Variants in CYTH3 observed in about 807,000 individuals in gnomAD.
CYTH3 encodes cytohesin 3.
CYTH3 carries 23 observed loss-of-function variants against 55.1 expected under a neutral mutation model. The observed-to-expected ratio is 0.42, with a 90% confidence interval of 0.30 to 0.59. The LOEUF (loss-of-function observed/expected upper bound fraction) is 0.59. CYTH3 is among the 20% of genes least tolerant of loss of function. The pLI is 0.20. For missense variants in CYTH3, 413 were observed against 524.8 expected (o/e 0.79, Z 2.08); for synonymous variants, 249 against 194.9 (o/e 1.28, Z -2.31).
intron 9 of CYTH3, among the ~76,000 whole-genome samples, chr7:6,168,202 T>C (rs892775916): frequency 1.3e-5 from 2 of 151,338 alleles, no homozygotes; most frequent in Admixed American, 6.6e-5. Flanking sequence ...GCAGCTCGGA[T>C]TGGGCCACCT....
At chr7:6,185,401 C>T (rs929063895) in intron 4 of CYTH3, among the ~76,000 whole-genome samples, 21 of 151,044 alleles carry the variant, frequency 1.4e-4, no homozygotes, top group Admixed American at 2.0e-4. Context: ...GCCTGGCCAA[C>T]GTGGTGAAAC....
At chr7:6,270,066 A>G (rs982706819) in intron 1 of CYTH3, among the ~76,000 whole-genome samples, 1 of 152,240 alleles carries the variant, frequency 6.6e-6, no homozygotes, top group African/African-American at 2.4e-5. Flanking sequence ...TCTTTAAAAG[A>G]GCTCAACTTT....
At chr7:6,233,934 A>G (rs1779453468) in intron 1 of CYTH3, among the ~76,000 whole-genome samples, 1 of 151,982 alleles carries the variant, frequency 6.6e-6, no homozygotes, top group African/African-American at 2.4e-5. Context: ...CTGTGTCCTC[A>G]CTTGGTGGAA....
chr7:6,266,438 T>G (rs1274143354), intron 1 of CYTH3, among the ~76,000 whole-genome samples: 3 of 152,234 alleles, frequency 2.0e-5, no homozygotes, highest in African/African-American at 7.2e-5. Context: ...CTAAAATTAT[T>G]GAAATGTAAA....
chr7:6,219,299 G>A (rs746833800), intron 1 of CYTH3, among the ~76,000 whole-genome samples: 11 of 152,220 alleles, frequency 7.2e-5, no homozygotes, highest in Non-Finnish European at 1.3e-4. Flanking sequence ...CAAGCAGAGT[G>A]TTAAAGGTGC....
rs1783176053 is a variant in CYTH3 at position 6,171,087 on chromosome 7, G to A, written c.563-109C>T. 1.3e-6 allele frequency: 2 copies of A among 1,583,578 alleles called. No individual in the cohort carries two copies. The highest frequency in any genetic ancestry group is 1.7e-6 in the Non-Finnish European group (2 of 1,157,308). ...GGTGCCCGGCCCACAGGTCGTCCTC[G>A]CTCAGGGAAGGCAGGTCCCCAGGAA... On this transcript the variant is annotated intron_variant, in intron 7 of 12. Transcript: ENST00000350796. The surrounding 1 kb of genome is among the most constrained non-coding windows in gnomAD (Gnocchi z 6.7).
At position 6,164,846 on chromosome 7, in the gene CYTH3, G is replaced by A. The variant is rs998655791; in HGVS notation, c.*98C>T. On this transcript the variant is annotated 3_prime_UTR_variant, in exon 13 of 13. Coordinates refer to ENST00000350796, the MANE Select transcript of CYTH3 (RefSeq NM_004227.4). ...CTCTGGAGCAGCAGCTTGCACCGCA[G>A]GGCGACTGCCTCCCTGCCACGCCTT... is the stretch of plus-strand genomic sequence containing the variant. 9 of 1,349,594 alleles carry A rather than the reference G, an allele frequency of 6.7e-6. No homozygotes were observed. In the African/African-American group the frequency reaches 1.3e-4, roughly 19 times the overall value. 83.6% of individuals were successfully genotyped at this position (1,349,594 alleles called of 1,614,324 possible). A position where few individuals can be genotyped will look rare whatever the true frequency, so the allele number is the denominator to read the frequency against.
intron 1 of CYTH3, among the ~76,000 whole-genome samples, chr7:6,239,182 C>A (rs1779608507): frequency 1.3e-5 from 2 of 152,168 alleles, no homozygotes; most frequent in African/African-American, 2.4e-5. Flanking sequence ...CCACTTTACT[C>A]CAGCCTGGGC....
intron 1 of CYTH3, among the ~76,000 whole-genome samples, chr7:6,235,357 A>T (rs549811233): frequency 6.6e-6 from 1 of 152,062 alleles, no homozygotes; most frequent in East Asian, 1.9e-4. Context: ...CATGCCTGTA[A>T]TCCTAGCTAC....
At chr7:6,183,846 G>C (rs1486908830) in intron 4 of CYTH3, among the ~76,000 whole-genome samples, 1 of 151,846 alleles carries the variant, frequency 6.6e-6, no homozygotes, top group African/African-American at 2.4e-5. Flanking sequence ...CATGGGATTT[G>C]TGCCCTTATA....
intron 1 of CYTH3, among the ~76,000 whole-genome samples, chr7:6,198,303 G>A (rs1408466184): frequency 6.6e-6 from 1 of 152,210 alleles, no homozygotes; most frequent in Non-Finnish European, 1.5e-5. Flanking sequence ...GTACCTTGCT[G>A]TCCTATTGTG....
intron 1 of CYTH3, among the ~76,000 whole-genome samples, chr7:6,261,862 A>C (rs962185335): frequency 2.0e-5 from 3 of 152,212 alleles, no homozygotes; most frequent in Non-Finnish European, 4.4e-5. Flanking sequence ...AATCAAGATC[A>C]CATGACTGAA....
intron 1 of CYTH3, among the ~76,000 whole-genome samples, chr7:6,239,652 G>GT (rs1470172702): frequency 6.6e-6 from 1 of 152,194 alleles, no homozygotes; most frequent in Non-Finnish European, 1.5e-5. Flanking sequence ...TCTAAAAACA[G>GT]TAAGATAATT....
chr7:6,200,896 C>T (rs1784044833), intron 1 of CYTH3, among the ~76,000 whole-genome samples: 1 of 152,216 alleles, frequency 6.6e-6, no homozygotes, highest in Non-Finnish European at 1.5e-5. Context: ...GCTGGGACCA[C>T]AGGCACGTAC....
chr7:6,181,792 C>A (rs1228586965), intron 4 of CYTH3, among the ~76,000 whole-genome samples: 3 of 152,086 alleles, frequency 2.0e-5, no homozygotes, highest in Non-Finnish European at 4.4e-5. Flanking sequence ...TAGGTCTCTG[C>A]AAAACTGAAT....
At chr7:6,186,179 G>C (rs1484933253) in intron 4 of CYTH3, among the ~76,000 whole-genome samples, 1 of 149,736 alleles carries the variant, frequency 6.7e-6, no homozygotes, top group Admixed American at 6.7e-5. Context: ...GGGAGGCGGA[G>C]CTTGCAGTGA....
At chr7:6,255,051 C>T (rs969789853) in intron 1 of CYTH3, among the ~76,000 whole-genome samples, 1 of 152,230 alleles carries the variant, frequency 6.6e-6, no homozygotes. Flanking sequence ...GCTTAACACA[C>T]TGATGACTAA....
In CYTH3 at chr7:6,170,646, T is replaced by C; in HGVS notation, c.712A>G (p.Asn238Asp). 6.2e-7 allele frequency: 1 copy of C among 1,613,260 alleles called. No individual in the cohort carries two copies. Among genetic ancestry groups the C allele is most frequent in the Non-Finnish European group, 8.5e-7 (1 of 1,179,578 alleles). The part of the protein sequence containing the change: ...GGDLPEELLR[N>D]LYESIKNEPF... ...TCGTTCTTAATGCTCTCATACAAAT[T>C]CTGCAAGGAGGGAAAACAGCAGCCA... Residue 238 changes from asparagine to aspartate, a missense_variant and splice_region_variant, in exon 9 of 13, where the codon AAT (asparagine) becomes GAT (aspartate). Asn to Asp is a conservative substitution (Grantham distance 23, BLOSUM62 1). This residue lies in a region of CYTH3 where 156 missense variants were observed against 233.1 expected (regional missense o/e 0.67). Coordinates refer to ENST00000350796, the MANE Select transcript of CYTH3 (RefSeq NM_004227.4). This position sits in a 1 kb window ranked among gnomAD's most constrained non-coding sequence, Gnocchi z 7.8.
chr7:6,185,322 T>C (rs192197518), intron 4 of CYTH3, among the ~76,000 whole-genome samples: 4 of 151,278 alleles, frequency 2.6e-5, no homozygotes, highest in Non-Finnish European at 4.4e-5. Context: ...CAGTGGCTCA[T>C]GCCTGTAATC....
Sources: allele counts gnomAD v4.1 joint callset (sites outside exome capture counted in the v4.1 genomes callset), GRCh38; gene constraint gnomAD v4.1.1; regional missense constraint gnomAD v4.1.1; non-coding constraint Gnocchi (gnomAD v3.1); transcripts MANE v1.5; gene names NCBI Gene and HGNC (gene_info 2026-07-23, HGNC 2026-07-21).